The following TENM2 variants were observed in gnomAD, a reference collection of about 807,000 sequenced individuals.
TENM2 encodes the protein teneurin-2.
In TENM2, 52 loss-of-function variants were observed where a neutral mutation model predicts 245.2. That is an observed-to-expected ratio of 0.21 (90% CI 0.17 to 0.27). The LOEUF (loss-of-function observed/expected upper bound fraction) is 0.27, where lower values mean the gene tolerates loss of function less well. TENM2 is among the 10% of genes least tolerant of loss of function. The pLI is 1.00. For missense variants in TENM2, 3,046 were observed against 3,666.8 expected (o/e 0.83, Z 4.37); for synonymous variants, 1,363 against 1,438.9 (o/e 0.95, Z 1.19).
At chr5:168,032,238 G>C (rs1263029870) in intron 5 of TENM2, among the ~76,000 whole-genome samples, 1 of 152,198 alleles carries the variant, frequency 6.6e-6, no homozygotes, top group African/African-American at 2.4e-5. Flanking sequence ...GGAATTTCAT[G>C]TCTAAATATT....
chr5:167,767,688 A>G (rs1763124804), intron 2 of TENM2, among the ~76,000 whole-genome samples: 1 of 152,266 alleles, frequency 6.6e-6, no homozygotes, highest in South Asian at 2.1e-4. Flanking sequence ...CTTAGTGGCA[A>G]TAGAGAGGCA....
chr5:168,245,553 G>A (rs1766477378), intron 26 of TENM2, among the ~76,000 whole-genome samples: 1 of 143,418 alleles, frequency 7.0e-6, no homozygotes, highest in South Asian at 2.3e-4. Flanking sequence ...GCTTGAAAAA[G>A]GTCAGGTTGG....
At chr5:167,000,419 T>C in the TENM2 span, among the ~76,000 whole-genome samples, 3 of 152,200 alleles carry the variant, frequency 2.0e-5, no homozygotes, top group African/African-American at 7.2e-5. Flanking sequence ...GAGTTTATAA[T>C]TGGGAACGTA....
intron 4 of TENM2, among the ~76,000 whole-genome samples, chr5:167,986,736 A>G (rs1006023117): frequency 2.0e-5 from 3 of 152,202 alleles, no homozygotes; most frequent in African/African-American, 4.8e-5. Context: ...ACCGCTGGGA[A>G]GAAGTTCAGT....
chr5:168,135,120 A>C (rs1184635055), intron 12 of TENM2, among the ~76,000 whole-genome samples: 1 of 152,200 alleles, frequency 6.6e-6, no homozygotes, highest in Non-Finnish European at 1.5e-5. Context: ...CTGGAAAATC[A>C]AGACTCTCAT....
the TENM2 span, among the ~76,000 whole-genome samples, chr5:167,121,682 G>GT: frequency 6.6e-6 from 1 of 152,220 alleles, no homozygotes; most frequent in Non-Finnish European, 1.5e-5. Flanking sequence ...TCTTAGCACA[G>GT]TGCTTTTGAA....
chr5:167,200,740 C>T, the TENM2 span, among the ~76,000 whole-genome samples: 1 of 151,942 alleles, frequency 6.6e-6, no homozygotes, highest in Non-Finnish European at 1.5e-5. Context: ...CTTCAGTAGC[C>T]CAACTTTCAC....
At chr5:167,396,949 G>A (rs1762086469) in intron 2 of TENM2, among the ~76,000 whole-genome samples, 1 of 152,134 alleles carries the variant, frequency 6.6e-6, no homozygotes, top group Non-Finnish European at 1.5e-5. Context: ...TTCAGTCCTG[G>A]TGGAGAGTTT....
chr5:167,913,471 C>T (rs1561927551), intron 3 of TENM2, among the ~76,000 whole-genome samples: 1 of 152,098 alleles, frequency 6.6e-6, no homozygotes, highest in Non-Finnish European at 1.5e-5. Context: ...ACATTTGAAA[C>T]AGGGAGAAAA....
At chr5:167,267,264 C>T in the TENM2 span, among the ~76,000 whole-genome samples, 1 of 152,092 alleles carries the variant, frequency 6.6e-6, no homozygotes, top group South Asian at 2.1e-4. Context: ...CTTTTGAGAA[C>T]CAATATTAAT....
intron 4 of TENM2, among the ~76,000 whole-genome samples, chr5:167,961,977 A>G (rs531697681): frequency 7.9e-5 from 12 of 152,342 alleles, no homozygotes; most frequent in South Asian, 4.1e-4. Context: ...ACACATAAAC[A>G]TATCTCCCAG....
At chr5:168,157,962 G>A (rs974956272) in intron 12 of TENM2, among the ~76,000 whole-genome samples, 16 of 152,174 alleles carry the variant, frequency 1.1e-4, no homozygotes, top group African/African-American at 2.9e-4. Flanking sequence ...TCACTCTGTC[G>A]CCTAGACTAG....
At chr5:167,202,395 A>T in the TENM2 span, among the ~76,000 whole-genome samples, 2 of 152,090 alleles carry the variant, frequency 1.3e-5, no homozygotes, top group African/African-American at 4.8e-5. Flanking sequence ...CTCAGCAAAG[A>T]ATCTACCTTC....
At chr5:167,287,053 T>C (rs1380087382) in intron 1 of TENM2, among the ~76,000 whole-genome samples, 1 of 152,186 alleles carries the variant, frequency 6.6e-6, no homozygotes, top group Non-Finnish European at 1.5e-5. Context: ...AAAGTAGAAA[T>C]AAAAAGCATC....
At chr5:168,208,309 G>A (rs1762529752) in intron 19 of TENM2, among the ~76,000 whole-genome samples, 2 of 152,124 alleles carry the variant, frequency 1.3e-5, no homozygotes, top group Admixed American at 1.3e-4. Flanking sequence ...ATAATATTAT[G>A]ATATTAAACA....
chr5:167,987,064 A>G (rs1031277984), intron 4 of TENM2, among the ~76,000 whole-genome samples: 1 of 152,216 alleles, frequency 6.6e-6, no homozygotes, highest in Admixed American at 6.5e-5. Context: ...AACGATTGCT[A>G]TCATTTTGCC....
chr5:168,126,560 T>G (rs1035090256), intron 11 of TENM2, among the ~76,000 whole-genome samples, 194 bp from the exon 14 acceptor site: 5 of 152,296 alleles, frequency 3.3e-5, no homozygotes, highest in African/African-American at 1.2e-4. Flanking sequence ...GGCCACACTT[T>G]GAGAGTCACT....
intron 2 of TENM2, among the ~76,000 whole-genome samples, chr5:167,710,479 C>T (rs1758838359): frequency 2.6e-5 from 4 of 152,124 alleles, no homozygotes; most frequent in Non-Finnish European, 4.4e-5. Flanking sequence ...AGTGCCTGAG[C>T]TGACTGTGAA....
At chr5:167,414,177 T>C (rs953802751) in intron 2 of TENM2, among the ~76,000 whole-genome samples, 3 of 152,146 alleles carry the variant, frequency 2.0e-5, no homozygotes, top group Non-Finnish European at 1.5e-5. Flanking sequence ...TCATACCAGG[T>C]AGATACGGAC....
Sources: allele counts gnomAD v4.1 joint callset (sites outside exome capture counted in the v4.1 genomes callset), GRCh38; gene constraint gnomAD v4.1.1; transcripts MANE v1.5; gene names NCBI Gene and HGNC (gene_info 2026-07-23, HGNC 2026-07-21).